The following PAPPA variants were observed in gnomAD, a reference collection of about 807,000 sequenced individuals.
The protein encoded by PAPPA is pappalysin 1, also known as pappalysin-1.
A neutral mutation model predicts 164.0 loss-of-function variants in PAPPA; 60 were observed. The ratio of observed to expected loss-of-function variants is 0.37; its 90% CI spans 0.30 to 0.45. The LOEUF (loss-of-function observed/expected upper bound fraction) is 0.45, where lower values mean the gene tolerates loss of function less well. PAPPA is among the 20% of genes least tolerant of loss of function. The pLI, the probability that PAPPA is intolerant of heterozygous loss-of-function variation, is 1.00. For synonymous variants in PAPPA, 875 were observed against 814.1 expected, an observed-to-expected ratio of 1.07 and a Z score of -1.27; for missense variants, 1,782 against 2,087.3, an observed-to-expected ratio of 0.85 and a Z score of 2.85.
intron 5 of PAPPA, among the ~76,000 whole-genome samples, chr9:116,224,184 C>T (rs1844477386): frequency 1.3e-5 from 2 of 152,172 alleles, no homozygotes; most frequent in Non-Finnish European, 2.9e-5. Context: ...TCAGATCCTC[C>T]CACAGCCTGT....
At chr9:116,213,982 G>A (rs1844341072) in intron 4 of PAPPA, among the ~76,000 whole-genome samples, 1 of 152,102 alleles carries the variant, frequency 6.6e-6, no homozygotes, top group Non-Finnish European at 1.5e-5. Flanking sequence ...GACATTGCTG[G>A]GTCAACTTCT....
At chr9:116,331,795 T>C (rs984232755) in intron 11 of PAPPA, among the ~76,000 whole-genome samples, 2 of 152,212 alleles carry the variant, frequency 1.3e-5, no homozygotes, top group African/African-American at 4.8e-5. Context: ...TTACTGCATT[T>C]TGGCTTGTGT....
At chr9:116,284,545 CT>C (rs61248033) in intron 9 of PAPPA, among the ~76,000 whole-genome samples, 20,587 of 87,496 alleles carry the variant, frequency 0.24, 706 homozygotes, top group Middle Eastern at 0.38. Context: ...TAGTCTGGGC[CT>C]TTTTTTTTTT....
At chr9:116,283,406 A>G (rs889747072) in intron 9 of PAPPA, among the ~76,000 whole-genome samples, 3 of 152,150 alleles carry the variant, frequency 2.0e-5, no homozygotes, top group Non-Finnish European at 4.4e-5. Context: ...ATCCAGACAG[A>G]GGGTTTTTCT....
At chr9:116,161,678 TTTTG>T (rs1843666150) in intron 1 of PAPPA, among the ~76,000 whole-genome samples, 1 of 151,924 alleles carries the variant, frequency 6.6e-6, no homozygotes, top group Non-Finnish European at 1.5e-5. Context: ...GTTTTGTCTA[TTTTG>T]TTTGTTTATT....
intron 9 of PAPPA, among the ~76,000 whole-genome samples, chr9:116,277,700 C>G (rs1428238780): frequency 1.3e-5 from 2 of 152,018 alleles, no homozygotes; most frequent in Non-Finnish European, 2.9e-5. Flanking sequence ...TTTTTTGAGA[C>G]AGAATCTCAC....
In PAPPA at chr9:116,289,280, A is replaced by G. The variant is rs10983102; in HGVS notation, c.2954-13477A>G. Among the ~76,000 whole-genome samples the G allele has an allele frequency of 8.7e-3, 290 of 33,464 alleles. 24 individuals carry two copies. Among genetic ancestry groups the G allele is most frequent in the African/African-American group, 0.021 (222 of 10,600 alleles). 22.0% of individuals were successfully genotyped at this position (33,464 alleles called of 152,430 possible). On this transcript the variant is annotated intron_variant, in intron 9 of 21. Coordinates refer to ENST00000328252, the MANE Select transcript of PAPPA (RefSeq NM_002581.5). ...TAGCATATATATATAGCATATATAT[A>G]GCATATAAATAGCATATATATAGCA... is the stretch of plus-strand genomic sequence containing the variant.
intron 1 of PAPPA, among the ~76,000 whole-genome samples, chr9:116,169,840 T>C (rs1843756713): frequency 1.3e-5 from 2 of 151,818 alleles, no homozygotes; most frequent in Non-Finnish European, 2.9e-5. Context: ...GACTACTATG[T>C]GTAGAATGGA....
At chr9:116,258,145 G>A (rs1000526888) in intron 7 of PAPPA, among the ~76,000 whole-genome samples, 1 of 151,954 alleles carries the variant, frequency 6.6e-6, no homozygotes, top group Non-Finnish European at 1.5e-5. Context: ...TCATAAAAAT[G>A]CCCTTTCTCC....
At chr9:116,324,184 T>A (rs1845894202) in intron 10 of PAPPA, among the ~76,000 whole-genome samples, 1 of 152,190 alleles carries the variant, frequency 6.6e-6, no homozygotes, top group Non-Finnish European at 1.5e-5. Flanking sequence ...TCTCTTGAAG[T>A]TAACATCTAT....
At chr9:116,203,497 C>A (rs1232086808) in intron 2 of PAPPA, among the ~76,000 whole-genome samples, 1 of 152,090 alleles carries the variant, frequency 6.6e-6, no homozygotes, top group Non-Finnish European at 1.5e-5. Context: ...TAACCCAAAG[C>A]AGATTGATAA....
At chr9:116,232,805 A>G (rs534272192) in intron 6 of PAPPA, among the ~76,000 whole-genome samples, 32 of 152,196 alleles carry the variant, frequency 2.1e-4, no homozygotes, top group Non-Finnish European at 3.7e-4. Flanking sequence ...CTTTGCTAAG[A>G]TTTCTACTCC....
At chr9:116,182,215 A>T (rs1269878135) in intron 1 of PAPPA, among the ~76,000 whole-genome samples, 3 of 152,208 alleles carry the variant, frequency 2.0e-5, no homozygotes, top group Admixed American at 6.5e-5. Flanking sequence ...AGAGTAAATG[A>T]TAGTATGTTC....
chr9:116,170,262 T>C (rs1488072879), intron 1 of PAPPA, among the ~76,000 whole-genome samples: 1 of 152,186 alleles, frequency 6.6e-6, no homozygotes, highest in African/African-American at 2.4e-5. Context: ...AGAATGTTGA[T>C]GTTGAGTTGT....
At chr9:116,178,999 TG>T (rs1843869436) in intron 1 of PAPPA, among the ~76,000 whole-genome samples, 1 of 152,248 alleles carries the variant, frequency 6.6e-6, no homozygotes, top group Non-Finnish European at 1.5e-5. Flanking sequence ...TTAAAACTTA[TG>T]GGTTTCAGGA....
At chr9:116,321,097 G>A (rs556625902) in intron 10 of PAPPA, among the ~76,000 whole-genome samples, 8 of 150,896 alleles carry the variant, frequency 5.3e-5, no homozygotes, top group Non-Finnish European at 7.4e-5. Context: ...GTGCTATCTC[G>A]GCTCACTGCA....
chr9:116,157,134 T>C (rs950855761), intron 1 of PAPPA, among the ~76,000 whole-genome samples: 7 of 152,180 alleles, frequency 4.6e-5, no homozygotes, highest in East Asian at 1.9e-4. Flanking sequence ...CAGGATTCAA[T>C]TGGGTTTCGT....
chr9:116,384,270 T>TTAATAATAATAA (rs3040228), intron 21 of PAPPA, among the ~76,000 whole-genome samples: 37,124 of 137,952 alleles, frequency 0.27, 5,042 homozygotes, highest in Admixed American at 0.32. Flanking sequence ...CTACACGTAA[T>TTAATAATAATAA]TAATAATAAT....
At chr9:116,304,332 A>C (rs1845617343) in intron 10 of PAPPA, among the ~76,000 whole-genome samples, 1 of 152,236 alleles carries the variant, frequency 6.6e-6, no homozygotes, top group South Asian at 2.1e-4. Flanking sequence ...ACATACATAC[A>C]TCCCATTGCC....
Sources: allele counts gnomAD v4.1 joint callset (sites outside exome capture counted in the v4.1 genomes callset), GRCh38; gene constraint gnomAD v4.1.1; transcripts MANE v1.5; gene names NCBI Gene and HGNC (gene_info 2026-07-23, HGNC 2026-07-21).